SERINC5: variants seen among roughly 807,000 people sequenced by gnomAD.
SERINC5 encodes the protein chromosome 5 open reading frame 12.
A neutral mutation model predicts 63.1 loss-of-function variants in SERINC5; 41 were observed. The observed-to-expected ratio is 0.65, with a 90% CI of 0.51 to 0.84. SERINC5 has a LOEUF of 0.84. Among genes scored for constraint, SERINC5 ranks in the 40% least tolerant of loss-of-function variants. The probability of loss-of-function intolerance (pLI) is 0.00; values close to 1 mark genes in which losing one functional copy is unlikely to be tolerated. For synonymous variants in SERINC5, 222 were observed against 215.2 expected, an observed-to-expected ratio of 1.03 and a Z score of -0.28; for missense variants, 523 against 573.0, an observed-to-expected ratio of 0.91 and a Z score of 0.89.
chr5:80,131,612 A>G (rs1004404748), intron 11 of SERINC5, among the ~76,000 whole-genome samples: 2 of 152,160 alleles, frequency 1.3e-5, no homozygotes, highest in Non-Finnish European at 2.9e-5. Context: ...CAAAGAGGGT[A>G]GTTGAGGCAG....
rs540605700 is a variant in SERINC5, at chr5:80,218,758, C to T, written c.28-15705G>A. ...CCACCCCCGACTACCTCCCTTCCTG[C>T]GCTTCTGAGAAGCTGACAGCCCCGA... is the stretch of plus-strand genomic sequence containing the variant. On this transcript the variant is annotated intron_variant, in intron 1 of 11. Transcript: ENST00000507668. Among the ~76,000 whole-genome samples, 40 of 152,146 alleles carry T rather than the reference C, an allele frequency of 2.6e-4. No homozygotes were observed. In the South Asian group the frequency reaches 7.9e-3, roughly 30 times the overall value.
chr5:80,224,713 A>T (rs113297551), intron 1 of SERINC5, among the ~76,000 whole-genome samples: 14,068 of 147,358 alleles, frequency 0.095, 866 homozygotes, highest in Middle Eastern at 0.14. Context: ...TGCAACCTCC[A>T]TCTCCTGGGT....
intron 1 of SERINC5, among the ~76,000 whole-genome samples, chr5:80,253,021 A>C (rs1397648514): frequency 6.6e-6 from 1 of 152,244 alleles, no homozygotes; most frequent in Non-Finnish European, 1.5e-5. Context: ...GAAGCCAAGA[A>C]ACTTGGGTTT....
chr5:80,159,012 T>C (rs1443793952), intron 7 of SERINC5, 50 bp from the exon 8 acceptor site: 1 of 1,605,334 alleles, frequency 6.2e-7, no homozygotes, highest in African/African-American at 1.3e-5. Context: ...AGGCCAGTTG[T>C]AACGCACAGA....
At chr5:80,229,400 C>A (rs1371185490) in intron 1 of SERINC5, among the ~76,000 whole-genome samples, 1 of 144,284 alleles carries the variant, frequency 6.9e-6, no homozygotes, top group Non-Finnish European at 1.5e-5. Flanking sequence ...TCAGAGACTG[C>A]AAAAAACAAA....
intron 2 of SERINC5, among the ~76,000 whole-genome samples, chr5:80,186,244 C>T (rs1260216478): frequency 1.3e-5 from 2 of 150,492 alleles, no homozygotes; most frequent in African/African-American, 4.9e-5. Context: ...TCAAGTGATT[C>T]TCCTGCCTCA....
chr5:80,169,628 T>C, intron 5 of SERINC5, 82 bp from the exon 6 acceptor site: 1 of 1,091,758 alleles, frequency 9.2e-7, no homozygotes, highest in South Asian at 1.4e-5. Context: ...ACAGTCACCA[T>C]CCCTCAGGCA....
chr5:80,191,366 C>G (rs913230905), intron 2 of SERINC5, among the ~76,000 whole-genome samples: 3 of 150,584 alleles, frequency 2.0e-5, no homozygotes, highest in African/African-American at 7.3e-5. Context: ...TGGCTGGGCA[C>G]AGTGGCTTAC....
intron 1 of SERINC5, among the ~76,000 whole-genome samples, chr5:80,254,769 G>A (rs1264448961): frequency 6.6e-6 from 1 of 152,124 alleles, no homozygotes; most frequent in Non-Finnish European, 1.5e-5. Flanking sequence ...CCTCAACTCT[G>A]AAAAGGCCAG....
At position 80,141,457 on chromosome 5, in the gene SERINC5, A is replaced by T; in HGVS notation, c.*2206T>A. Reference sequence around the variant, plus strand: ...TGTCAGCTGGACCTTGACTGCGCGTAAGGTCAGTTTCTCAAATCACACCAG... The same window carrying T: ...TGTCAGCTGGACCTTGACTGCGCGTTAGGTCAGTTTCTCAAATCACACCAG... On this transcript the variant is annotated 3_prime_UTR_variant, in exon 12 of 12. Transcript: ENST00000507668. 1 of 981,102 alleles carries T rather than the reference A, an allele frequency of 1.0e-6. No individual in the cohort carries two copies. 60.8% of individuals were successfully genotyped at this position (981,102 alleles called of 1,614,324 possible).
chr5:80,222,259 C>T (rs183958141), intron 1 of SERINC5, among the ~76,000 whole-genome samples: 13 of 152,208 alleles, frequency 8.5e-5, no homozygotes, highest in Admixed American at 5.2e-4. Flanking sequence ...AAATCTGCTA[C>T]GCTATGCTCC....
At chr5:80,185,405 A>G (rs1247639525) in intron 2 of SERINC5, among the ~76,000 whole-genome samples, 7 of 152,182 alleles carry the variant, frequency 4.6e-5, no homozygotes, top group Non-Finnish European at 1.0e-4. Context: ...TTGCCTGAGA[A>G]TTACATCAGA....
intron 5 of SERINC5, among the ~76,000 whole-genome samples, chr5:80,171,346 C>CA (rs1429440182): frequency 6.6e-6 from 1 of 152,076 alleles, no homozygotes; most frequent in Admixed American, 6.6e-5. Flanking sequence ...CTTTTAAAAA[C>CA]AGAAACAAAG....
rs536984364 is a variant in SERINC5, at chr5:80,158,862, G to A, written c.960C>T (p.Leu320=). Reference sequence around the variant, plus strand: ...ATGAATACAAGATACATCCGATTAAGAGGCTGGTCCCCAGTATAGTCACCA... The same window carrying A: ...ATGAATACAAGATACATCCGATTAAAAGGCTGGTCCCCAGTATAGTCACCA... The part of the protein sequence containing the change: ...ENLVTILGTS[L]LIGCILYSCL... Residue 320 remains leucine, a synonymous_variant, in exon 8 of 12, where the codon CTC becomes CTT. Coordinates refer to ENST00000507668, the MANE Select transcript of SERINC5 (RefSeq NM_001174072.3). 6.2e-7 allele frequency: 1 copy of A among 1,613,628 alleles called. No individual in the cohort carries two copies. The highest frequency in any genetic ancestry group is 1.3e-5 in the African/African-American group (1 of 75,052).
chr5:80,240,976 G>A (rs1751914934), intron 1 of SERINC5, among the ~76,000 whole-genome samples: 4 of 152,254 alleles, frequency 2.6e-5, no homozygotes, highest in Admixed American at 2.0e-4. Context: ...GCTCGGCCGT[G>A]TATTTCTGTA....
At chr5:80,134,946 GAACT>G (rs1252797669), downstream of SERINC5, among the ~76,000 whole-genome samples, 4 of 152,176 alleles carry the variant, frequency 2.6e-5, no homozygotes, top group Admixed American at 1.3e-4. Flanking sequence ...TAAGAGAACT[GAACT>G]AACACAAGCA....
At chr5:80,208,822 G>T (rs1353930328) in intron 1 of SERINC5, among the ~76,000 whole-genome samples, 2 of 152,116 alleles carry the variant, frequency 1.3e-5, no homozygotes, top group Non-Finnish European at 2.9e-5. Context: ...GCTACCCAGG[G>T]ACTAGTAAAA....
downstream of SERINC5, among the ~76,000 whole-genome samples, chr5:80,137,423 G>A (rs60605164): frequency 1.3e-5 from 2 of 150,330 alleles, no homozygotes; most frequent in East Asian, 4.0e-4. Context: ...GGCGGATCAT[G>A]AGGTCAGGAG....
chr5:80,149,628 C>T (rs906768766), intron 9 of SERINC5, among the ~76,000 whole-genome samples: 6 of 152,186 alleles, frequency 3.9e-5, no homozygotes, highest in African/African-American at 9.6e-5. Context: ...GATCCTGGGG[C>T]CAGAGTACAC....
Sources: allele counts gnomAD v4.1 joint callset (sites outside exome capture counted in the v4.1 genomes callset), GRCh38; gene constraint gnomAD v4.1.1; transcripts MANE v1.5; gene names NCBI Gene and HGNC (gene_info 2026-07-23, HGNC 2026-07-21).